VPS54: variants seen among roughly 807,000 people sequenced by gnomAD.
VPS54 encodes VPS54 subunit of GARP complex.
A neutral mutation model predicts 121.5 loss-of-function variants in VPS54; 45 were observed. The ratio of observed to expected loss-of-function variants is 0.37; its 90% CI spans 0.29 to 0.47. The LOEUF is 0.47. Ranked by LOEUF, VPS54 falls within the 20% of genes least tolerant of loss-of-function variation. The probability of loss-of-function intolerance (pLI) is 0.99; values close to 1 mark genes in which losing one functional copy is unlikely to be tolerated. For missense variants in VPS54, 1,090 were observed against 1,131.4 expected (o/e 0.96, Z 0.52); for synonymous variants, 371 against 385.8 (o/e 0.96, Z 0.45).
intron 3 of VPS54, chr2:63,974,983 T>C (rs770827624): frequency 1.3e-6 from 2 of 1,549,602 alleles, no homozygotes; most frequent in South Asian, 2.4e-5. Flanking sequence ...GGGACATCCT[T>C]ACCTTGATCC....
chr2:63,913,848 G>C (rs1407625859), intron 17 of VPS54: 3 of 1,080,474 alleles, frequency 2.8e-6, no homozygotes, highest in Non-Finnish European at 2.2e-6. Flanking sequence ...ATTTTGTAAA[G>C]TTCAGTGAAT....
At chr2:63,973,746 T>A (rs1256090683) in intron 3 of VPS54, among the ~76,000 whole-genome samples, 1 of 152,202 alleles carries the variant, frequency 6.6e-6, no homozygotes. Context: ...GTTCTCACTA[T>A]GTTGCCCAGG....
At chr2:63,996,049 G>T (rs1429648213) in intron 1 of VPS54, among the ~76,000 whole-genome samples, 1 of 152,058 alleles carries the variant, frequency 6.6e-6, no homozygotes, top group African/African-American at 2.4e-5. Context: ...TAGTGTGCTG[G>T]ACCAGTCAAA....
chr2:63,958,670 C>G (rs1438776336), intron 7 of VPS54, among the ~76,000 whole-genome samples: 2 of 152,056 alleles, frequency 1.3e-5, no homozygotes, highest in African/African-American at 4.8e-5. Context: ...GAGCTATGAT[C>G]GCACCATTGC....
Position 63,964,211 on chromosome 2 carries a change from C to G in VPS54, c.624+1624G>C, listed in dbSNP as rs185882079. Among the ~76,000 whole-genome samples the G allele has an allele frequency of 2.0e-4, 30 of 152,152 alleles. 1 individual carries two copies. The highest frequency in any genetic ancestry group is 1.8e-3 in the Admixed American group (27 of 15,278). On this transcript the variant is annotated intron_variant, in intron 6 of 22. Coordinates refer to ENST00000272322, the MANE Select transcript of VPS54 (RefSeq NM_016516.3). ...AGAACAGAGCAGAACGAAAAGGAGT[C>G]AGAATGTAAATATAGCAAATCTGAT...
chr2:64,012,791 G>A (rs1678490639), intron 1 of VPS54, among the ~76,000 whole-genome samples: 2 of 151,740 alleles, frequency 1.3e-5, no homozygotes, highest in African/African-American at 4.8e-5. Context: ...CCCTTCATTG[G>A]CAAACCTCCG....
intron 3 of VPS54, among the ~76,000 whole-genome samples, chr2:63,981,012 T>G (rs534421652): frequency 6.6e-6 from 1 of 152,054 alleles, no homozygotes; most frequent in South Asian, 2.1e-4. Context: ...GTAAGTAAAA[T>G]AAAACCAGCT....
At chr2:64,002,671 C>G (rs929562867) in intron 1 of VPS54, among the ~76,000 whole-genome samples, 6 of 152,164 alleles carry the variant, frequency 3.9e-5, no homozygotes, top group Non-Finnish European at 5.9e-5. Context: ...CTAGATTCTT[C>G]TAAGTTATTT....
intron 13 of VPS54, 122 bp downstream of exon 13, chr2:63,921,062 GTAGACCACATCAGTGGTAACAC>G: frequency 1.3e-6 from 1 of 774,772 alleles, no homozygotes; most frequent in Non-Finnish European, 1.9e-6. Context: ...CATCTCCCTA[GTAGACCACATCAGTGGTAACAC>G]TGACTTTATT....
chr2:63,985,865 A>T (rs544777149), intron 1 of VPS54, among the ~76,000 whole-genome samples: 1 of 152,220 alleles, frequency 6.6e-6, no homozygotes, highest in Non-Finnish European at 1.5e-5. Flanking sequence ...CATTAAGTGT[A>T]TGGTTGTTTC....
At chr2:63,983,339 G>C (rs1233891795) in intron 2 of VPS54, among the ~76,000 whole-genome samples, 1 of 151,854 alleles carries the variant, frequency 6.6e-6, no homozygotes. Context: ...CACCATGTTG[G>C]CCAGGCTGAT....
chr2:64,007,467 T>C (rs1172368693), intron 1 of VPS54, among the ~76,000 whole-genome samples: 1 of 152,218 alleles, frequency 6.6e-6, no homozygotes, highest in African/African-American at 2.4e-5. Context: ...ATATAAATCC[T>C]TTCTACAAGG....
At chr2:63,961,468 T>C (rs1575961532) in intron 7 of VPS54, among the ~76,000 whole-genome samples, 1 of 152,164 alleles carries the variant, frequency 6.6e-6, no homozygotes, top group African/African-American at 2.4e-5. Flanking sequence ...ACAAGGATAC[T>C]GCAAGCCTGC....
At chr2:63,981,136 T>G (rs1383856364) in intron 3 of VPS54, among the ~76,000 whole-genome samples, 1 of 152,172 alleles carries the variant, frequency 6.6e-6, no homozygotes, top group African/African-American at 2.4e-5. Context: ...AGCCACTTAC[T>G]AATAATCTGA....
intron 1 of VPS54, among the ~76,000 whole-genome samples, chr2:64,011,458 C>T (rs1034139513): frequency 6.6e-6 from 1 of 151,516 alleles, no homozygotes; most frequent in Non-Finnish European, 1.5e-5. Context: ...CCCAGCTACT[C>T]GGGAGGCTGA....
chr2:63,967,057 T>G (rs1028064488), intron 5 of VPS54, among the ~76,000 whole-genome samples: 9 of 152,204 alleles, frequency 5.9e-5, no homozygotes, highest in African/African-American at 2.2e-4. Context: ...AGTATGCATA[T>G]CTCCCTCTGG....
chr2:63,964,479 T>C (rs1271597858), intron 6 of VPS54, among the ~76,000 whole-genome samples: 1 of 152,146 alleles, frequency 6.6e-6, no homozygotes, highest in African/African-American at 2.4e-5. Context: ...CTTTTGCTGT[T>C]TTTCTCTTTT....
intron 3 of VPS54, among the ~76,000 whole-genome samples, chr2:63,981,377 A>G (rs115046059): frequency 6.6e-6 from 1 of 152,062 alleles, no homozygotes; most frequent in Non-Finnish European, 1.5e-5. Context: ...TAACAGAATC[A>G]TTTTCTCCTT....
In VPS54 at chr2:63,942,465, C is replaced by T; in HGVS notation, c.1398G>A (p.Lys466=). 6.3e-7 allele frequency: 1 copy of T among 1,578,478 alleles called. No homozygotes were observed. The highest frequency in any genetic ancestry group is 8.6e-7 in the Non-Finnish European group (1 of 1,161,592). The change falls in exon 11 of 23, where the codon AAG becomes AAA. Residue 466 remains lysine (K), a splice_region_variant and synonymous_variant. Coordinates refer to ENST00000272322, the MANE Select transcript of VPS54 (RefSeq NM_016516.3). ...SKFTIFLQRV[K]ATLNIIHSVV... ...TAGACAAACTAATTTATAAGCTTAC[C>T]TTCACTCTCTGTAGGAAAATTGTAA... is the stretch of plus-strand genomic sequence containing the variant.
Sources: allele counts gnomAD v4.1 joint callset (sites outside exome capture counted in the v4.1 genomes callset), GRCh38; gene constraint gnomAD v4.1.1; transcripts MANE v1.5; gene names NCBI Gene and HGNC (gene_info 2026-07-23, HGNC 2026-07-21).